Variants in GTF2H1 observed in about 807,000 individuals in gnomAD.
GTF2H1 encodes the protein general transcription factor IIH subunit 1.
GTF2H1 carries 16 observed loss-of-function variants against 71.2 expected under a neutral mutation model. That is an observed-to-expected ratio of 0.22 (90% CI 0.15 to 0.34). The LOEUF is 0.34. Ranked by LOEUF, GTF2H1 falls within the 10% of genes least tolerant of loss-of-function variation. The pLI is 1.00. For missense variants in GTF2H1, 498 were observed against 648.2 expected (o/e 0.77, Z 2.52); for synonymous variants, 215 against 219.0 (o/e 0.98, Z 0.16).
chr11:18,336,338 G>A (rs996092147), intron 3 of GTF2H1, among the ~76,000 whole-genome samples: 19 of 152,060 alleles, frequency 1.2e-4, no homozygotes, highest in African/African-American at 4.6e-4. Flanking sequence ...TGTTGGTCAG[G>A]CTGGTCTCGA....
At chr11:18,333,646 G>A (rs1864953234) in intron 2 of GTF2H1, 1 of 154,090 alleles carries the variant, frequency 6.5e-6, no homozygotes, top group African/African-American at 2.4e-5. Context: ...TAGTTGATGT[G>A]TTTTTTTGTG....
chr11:18,329,752 C>T (rs1418239685), intron 1 of GTF2H1, among the ~76,000 whole-genome samples: 8 of 152,182 alleles, frequency 5.3e-5, no homozygotes, highest in Non-Finnish European at 2.9e-5. Context: ...CACCTGTTTC[C>T]CTTTACTTTC....
chr11:18,358,936 TTATTTA>T (rs1489397891), intron 13 of GTF2H1, among the ~76,000 whole-genome samples: 1 of 152,192 alleles, frequency 6.6e-6, no homozygotes, highest in African/African-American at 2.4e-5. Flanking sequence ...ATCAATAAAG[TTATTTA>T]TATTTGATAC....
At position 18,352,403 on chromosome 11, in the gene GTF2H1, G is replaced by A; in HGVS notation, c.1217G>A (p.Ser406Asn). 6.4e-7 allele frequency: 1 copy of A among 1,574,790 alleles called. No individual in the cohort carries two copies. The highest frequency in any genetic ancestry group is 8.7e-7 in the Non-Finnish European group (1 of 1,144,416). ...CAGGACATTATTAATTCTTTTCAAAGTATTAGACAAGAAATGGAAGCTTAT... is the reference window on the plus strand; with the variant it reads ...CAGGACATTATTAATTCTTTTCAAAATATTAGACAAGAAATGGAAGCTTAT... ...TSQDIINSFQ[S>N]IRQEMEAYTP... Residue 406 changes from serine (S) to asparagine (N), a missense_variant, in exon 11 of 15, where the codon AGT becomes AAT. Transcript: ENST00000265963.
intron 11 of GTF2H1, among the ~76,000 whole-genome samples, chr11:18,352,883 G>T (rs1865458892): frequency 1.3e-5 from 2 of 152,120 alleles, no homozygotes; most frequent in Non-Finnish European, 2.9e-5. Context: ...CCTTATTTAG[G>T]CAAACCTGAT....
At chr11:18,340,687 G>A (rs4150596) in intron 5 of GTF2H1, among the ~76,000 whole-genome samples, 3,886 of 152,200 alleles carry the variant, frequency 0.026, 146 homozygotes, top group South Asian at 0.083. Context: ...TAATCATCAC[G>A]TAAACCTATG....
chr11:18,342,584 T>C (rs1232953463), intron 7 of GTF2H1, among the ~76,000 whole-genome samples: 1 of 152,284 alleles, frequency 6.6e-6, no homozygotes, highest in African/African-American at 2.4e-5. Context: ...ATTTATACTT[T>C]GATCATACAG....
Position 18,366,907 on chromosome 11 carries a change from A to G in GTF2H1, c.*1038A>G, listed in dbSNP as rs2133998483. The G allele has an allele frequency of 6.6e-6, 1 of 152,080 alleles. No individual in the cohort carries two copies. The highest frequency in any genetic ancestry group is 2.4e-5 in the African/African-American group (1 of 41,518). The allele number at this position is 152,080 out of a possible 1,614,324, so 9.4% of individuals were successfully genotyped here. A position where few individuals can be genotyped will look rare whatever the true frequency, so the allele number is the denominator to read the frequency against. ...AAAGCCTAAGTGCAAAAAAAAAAAA[A>G]AAAGATGTTCTTGTTTCTGAACTTC... On this transcript the variant is annotated 3_prime_UTR_variant, in exon 15 of 15. Coordinates refer to ENST00000265963, the MANE Select transcript of GTF2H1 (RefSeq NM_005316.4).
intron 7 of GTF2H1, among the ~76,000 whole-genome samples, chr11:18,345,227 T>C (rs1865262126): frequency 6.6e-6 from 1 of 152,054 alleles, no homozygotes; most frequent in South Asian, 2.1e-4. Context: ...AAATTAAAAA[T>C]TAAAAAGTTG....
At chr11:18,333,398 A>G in intron 2 of GTF2H1, 170 bp downstream of exon 2, 1 of 494,242 alleles carries the variant, frequency 2.0e-6, no homozygotes, top group Non-Finnish European at 3.5e-6. Context: ...TTTTCACTTA[A>G]TAACAGAACA....
intron 11 of GTF2H1, among the ~76,000 whole-genome samples, chr11:18,353,137 A>C (rs1244786243): frequency 6.6e-6 from 1 of 152,258 alleles, no homozygotes. Context: ...AGGCAGGAGA[A>C]TCACTTGAAC....
chr11:18,331,346 G>A (rs1490375672), intron 1 of GTF2H1, among the ~76,000 whole-genome samples: 2 of 151,896 alleles, frequency 1.3e-5, no homozygotes, highest in Admixed American at 6.6e-5. Context: ...AGGAGCCACC[G>A]TGCCCAGCCA....
intron 7 of GTF2H1, chr11:18,347,126 A>T (rs1865313215): frequency 6.5e-6 from 1 of 152,956 alleles, no homozygotes; most frequent in Non-Finnish European, 1.5e-5. Context: ...TAATCCCAGC[A>T]CTTTGGGAGG....
chr11:18,358,295 C>G (rs1046218012), intron 12 of GTF2H1, among the ~76,000 whole-genome samples: 15 of 152,108 alleles, frequency 9.9e-5, no homozygotes, highest in Non-Finnish European at 1.0e-4. Flanking sequence ...TTTCTTCTCC[C>G]CTACCTCTTA....
rs973484048 is a variant in GTF2H1 at position 18,341,252 on chromosome 11, T to C, written c.608-9T>C. The C allele has an allele frequency of 3.1e-6, 5 of 1,603,138 alleles. No individual in the cohort carries two copies. The highest frequency in any genetic ancestry group is 4.3e-6 in the Non-Finnish European group (5 of 1,176,430). ...TCAGTATATAATATTTGTGGGTTTT[T>C]TTCCACAGTAAAAATGAAATATGCA... On this transcript the variant is annotated splice_polypyrimidine_tract_variant and intron_variant, in intron 5 of 14. Transcript: ENST00000265963.
chr11:18,341,321 G>A lies in GTF2H1; in HGVS notation c.668G>A (p.Arg223His), dbSNP rs368204152. ...HNMTEKEFWT[R>H]FFQSHYFHRD... Reference sequence around the variant, plus strand: ...ATGACAGAGAAGGAATTCTGGACACGTTTTTTCCAGTCCCATTATTTTCAC... The same window carrying A: ...ATGACAGAGAAGGAATTCTGGACACATTTTTTCCAGTCCCATTATTTTCAC... Residue 223 changes from arginine to histidine, a missense_variant, in exon 6 of 15, where the codon CGT (arginine) becomes CAT (histidine). Around this residue, in one of 3 missense-constraint regions of GTF2H1, gnomAD observed 216 missense variants for 306.2 expected, o/e 0.71. Coordinates refer to ENST00000265963, the MANE Select transcript of GTF2H1 (RefSeq NM_005316.4). The A allele has an allele frequency of 5.0e-6, 8 of 1,613,738 alleles. No individual in the cohort carries two copies. In the East Asian group the frequency reaches 6.7e-5, roughly 13 times the overall value.
rs1039065886 is a variant in GTF2H1 at position 18,352,464 on chromosome 11, T to C, written c.1260+18T>C. ...TAACTCAGGTAGGTGACTTCTACTG[T>C]TTGAAGGCCAGAATTCCCATAGTTC... On this transcript the variant is annotated intron_variant, in intron 11 of 14. Coordinates refer to ENST00000265963, the MANE Select transcript of GTF2H1 (RefSeq NM_005316.4). 1.1e-6 allele frequency: 1 copy of C among 942,338 alleles called. No individual in the cohort carries two copies. Among genetic ancestry groups the C allele is most frequent in the Non-Finnish European group, 1.7e-6 (1 of 571,598 alleles). 58.4% of individuals were successfully genotyped at this position (942,338 alleles called of 1,614,324 possible).
In GTF2H1 at chr11:18,342,477, G is replaced by A. The variant is rs995757411; in HGVS notation, c.837+870G>A. ...GGGTTTTGCCACGTTGGCCAGGCTG[G>A]TCTCAAACTCCTTACCTCAGGTGAT... On this transcript the variant is annotated intron_variant, in intron 7 of 14. Transcript: ENST00000265963. 7.2e-5 allele frequency among the ~76,000 whole-genome samples: 11 copies of A among 152,066 alleles called. No homozygotes were observed. The South Asian group carries it at 2.1e-3, about 29-fold the overall frequency.
chr11:18,353,625 G>C (rs774102058), intron 11 of GTF2H1, among the ~76,000 whole-genome samples: 4 of 152,204 alleles, frequency 2.6e-5, no homozygotes, highest in Admixed American at 6.5e-5. Context: ...CTAGTGCAAA[G>C]AAGAATTTGT....
Sources: gnomAD v4.1 joint callset for allele counts (sites outside exome capture counted in the v4.1 genomes callset) on GRCh38, gnomAD v4.1.1 for gene constraint, gnomAD v4.1.1 regional missense constraint, MANE v1.5 for transcripts, NCBI Gene and HGNC (gene_info 2026-07-23, HGNC 2026-07-21) for gene names.